The following CD8A variants were observed in gnomAD, a reference collection of about 807,000 sequenced individuals.
The protein encoded by CD8A is CD8 subunit alpha.
A neutral mutation model predicts 24.2 loss-of-function variants in CD8A; 25 were observed. The ratio of observed to expected loss-of-function variants is 1.03; its 90% confidence interval spans 0.75 to 1.44. CD8A has a LOEUF of 1.44. CD8A is among the 40% of genes most tolerant of loss of function. The pLI is 0.00. For missense variants in CD8A, 360 were observed against 319.7 expected (o/e 1.13, Z -0.96); for synonymous variants, 165 against 149.9 (o/e 1.10, Z -0.74).
intron 2 of CD8A, 147 bp from the exon 3 acceptor site, chr2:86,789,897 G>T: frequency 1.8e-6 from 1 of 564,696 alleles, no homozygotes; most frequent in Non-Finnish European, 3.0e-6. Flanking sequence ...TGGGGACCCC[G>T]GGATGCGCGC....
intron 2 of CD8A, among the ~76,000 whole-genome samples, chr2:86,805,229 TG>T (rs1439097527): frequency 3.3e-5 from 5 of 152,324 alleles, no homozygotes; most frequent in African/African-American, 1.2e-4. Flanking sequence ...GATGTACTTT[TG>T]GGCTGGGTTT....
chr2:86,805,189 C>T (rs1195765653), intron 2 of CD8A, among the ~76,000 whole-genome samples: 5 of 152,120 alleles, frequency 3.3e-5, no homozygotes, highest in Admixed American at 2.0e-4. Context: ...TTAATGACAA[C>T]TGCCACTTTC....
At chr2:86,805,972 T>C (rs1365584324) in intron 2 of CD8A, among the ~76,000 whole-genome samples, 1 of 152,126 alleles carries the variant, frequency 6.6e-6, no homozygotes, top group Non-Finnish European at 1.5e-5. Flanking sequence ...GTTGTGACAA[T>C]TGTCACAACA....
rs763318708 is a variant in CD8A at position 86,785,703 on chromosome 2, G to T, written c.*217C>A. On this transcript the variant is annotated 3_prime_UTR_variant, in exon 6 of 6. Transcript: ENST00000283635. ...GCCCTACCGCGATGTGCGCACAACAGTATTGTGACCCTTGTGGTGTACTGT... is the reference window on the plus strand; with the variant it reads ...GCCCTACCGCGATGTGCGCACAACATTATTGTGACCCTTGTGGTGTACTGT... 1.8e-5 allele frequency: 13 copies of T among 709,750 alleles called. No individual in the cohort carries two copies. Among genetic ancestry groups the T allele is most frequent in the Non-Finnish European group, 3.3e-5 (13 of 388,504 alleles). 44.0% of individuals were successfully genotyped at this position (709,750 alleles called of 1,614,324 possible).
intron 2 of CD8A, among the ~76,000 whole-genome samples, chr2:86,804,794 CTTTTTTTT>C (rs70958908): frequency 4.3e-5 from 4 of 94,032 alleles, no homozygotes; most frequent in Non-Finnish European, 6.4e-5. Flanking sequence ...CTTGCTAAAT[CTTTTTTTT>C]TTTTTTTTTT....
chr2:86,790,539 G>T lies in CD8A; in HGVS notation c.192C>A (p.Ala64=), dbSNP rs2229239. 115,029 of 1,613,474 alleles carry T rather than the reference G, an allele frequency of 0.071. 4,531 individuals are homozygous for T. The highest frequency in any genetic ancestry group is 0.083 in the African/African-American group (6,234 of 75,024). The change falls in exon 2 of 6, where the codon GCC becomes GCA. Residue 64 remains alanine (A), a synonymous_variant. Coordinates refer to ENST00000283635, the MANE Select transcript of CD8A (RefSeq NM_001768.7). ...CSWLFQPRGA[A]ASPTFLLYLS... Reference sequence around the variant, plus strand: ...GGTATAGGAGGAAGGTGGGACTGGCGGCGGCGCCGCGCGGCTGGAAGAGCC... The same window carrying T: ...GGTATAGGAGGAAGGTGGGACTGGCTGCGGCGCCGCGCGGCTGGAAGAGCC...
At chr2:86,803,310 G>T (rs980205949) in intron 2 of CD8A, among the ~76,000 whole-genome samples, 2 of 152,138 alleles carry the variant, frequency 1.3e-5, no homozygotes, top group African/African-American at 2.4e-5. Context: ...CAAGGTATCT[G>T]TACTCCTGTG....
At chr2:86,804,125 T>C (rs1234621741) in intron 2 of CD8A, among the ~76,000 whole-genome samples, 3 of 152,254 alleles carry the variant, frequency 2.0e-5, no homozygotes, top group African/African-American at 7.2e-5. Context: ...TTCACTATAG[T>C]ATCCATTCTA....
Position 86,789,315 on chromosome 2 carries a change from G to A in CD8A, c.625+8C>T, listed in dbSNP as rs753026703. 5.1e-6 allele frequency: 8 copies of A among 1,561,492 alleles called. No homozygotes were observed. The highest frequency in any genetic ancestry group is 7.1e-6 in the Non-Finnish European group (8 of 1,131,634). On this transcript the variant is annotated splice_region_variant and intron_variant, in intron 4 of 5. Transcript: ENST00000283635. ...GACTCCTTCCCGCCGCGATTCCTCG[G>A]GACTTACTGTGGTTGCAGTAAAGGG... is the stretch of plus-strand genomic sequence containing the variant.
Position 86,785,692 on chromosome 2 carries a change from T to C in CD8A, c.*228A>G. The stretch of plus-strand genomic sequence containing the variant: ...CCCCTTTCCACGCCCTACCGCGATG[T>C]GCGCACAACAGTATTGTGACCCTTG... On this transcript the variant is annotated 3_prime_UTR_variant, in exon 6 of 6. Transcript: ENST00000283635. The C allele has an allele frequency of 1.4e-6, 1 of 698,704 alleles. No homozygotes were observed. The highest frequency in any genetic ancestry group is 2.6e-6 in the Non-Finnish European group (1 of 382,524). 43.3% of individuals were successfully genotyped at this position (698,704 alleles called of 1,614,324 possible). A position where few individuals can be genotyped will look rare whatever the true frequency, so the allele number is the denominator to read the frequency against.
chr2:86,802,922 A>C (rs2104461945), intron 2 of CD8A, among the ~76,000 whole-genome samples: 1 of 152,268 alleles, frequency 6.6e-6, no homozygotes, highest in African/African-American at 2.4e-5. Flanking sequence ...AGAATTCATA[A>C]GTTTAAGGAG....
chr2:86,797,054 T>C (rs1441935103), intron 3 of CD8A, among the ~76,000 whole-genome samples: 7 of 152,226 alleles, frequency 4.6e-5, no homozygotes, highest in African/African-American at 1.7e-4. Flanking sequence ...TCTCAGTGAT[T>C]GGCTTTCTGT....
In CD8A at chr2:86,805,094, C is replaced by T. The variant is rs189963531; in HGVS notation, c.-418+2353G>A. ...TTGGGATTACAGGCATGAGCCACCA[C>T]ACCTGGCCTAAATTTTTTTTTTTAA... is the stretch of plus-strand genomic sequence containing the variant. On this transcript the variant is annotated intron_variant, in intron 2 of 8. Transcript: ENST00000409511. 1.9e-3 allele frequency among the ~76,000 whole-genome samples: 286 copies of T among 152,114 alleles called. 1 individual carries two copies. Among genetic ancestry groups the T allele is most frequent in the Admixed American group, 0.015 (236 of 15,284 alleles).
At position 86,790,360 on chromosome 2, in the gene CD8A, T is replaced by A. The variant is rs1221153844; in HGVS notation, c.371A>T (p.Tyr124Phe). 2 of 1,613,642 alleles carry A rather than the reference T, an allele frequency of 1.2e-6. No individual in the cohort carries two copies. Among genetic ancestry groups the A allele is most frequent in the Non-Finnish European group, 1.7e-6 (2 of 1,179,944 alleles). Residue 124 changes from tyrosine to phenylalanine, a missense_variant, in exon 2 of 6, where the codon TAC (tyrosine) becomes TTC (phenylalanine). Transcript: ENST00000283635. Reference sequence around the variant, plus strand: ...GAAGACCGGCACGAAGTGGCTGAAGTACATGATGGAGTTGCTCAGGGCCGA... The same window carrying A: ...GAAGACCGGCACGAAGTGGCTGAAGAACATGATGGAGTTGCTCAGGGCCGA... ...FCSALSNSIM[Y>F]FSHFVPVFLP...
At chr2:86,799,203 C>A (rs1255082593) in intron 3 of CD8A, among the ~76,000 whole-genome samples, 1 of 152,146 alleles carries the variant, frequency 6.6e-6, no homozygotes, top group African/African-American at 2.4e-5. Context: ...AATGGACCTG[C>A]CCAAGAACAA....
chr2:86,790,137 C>G (rs917065436), intron 2 of CD8A, among the ~76,000 whole-genome samples, 191 bp downstream of exon 2: 2 of 152,210 alleles, frequency 1.3e-5, no homozygotes, highest in Non-Finnish European at 2.9e-5. Context: ...ATCGGCCGGA[C>G]GTAAAAAGCC....
chr2:86,789,261 C>G, intron 4 of CD8A, 62 bp downstream of exon 4: 7 of 1,097,120 alleles, frequency 6.4e-6, no homozygotes, highest in Non-Finnish European at 9.9e-6. Flanking sequence ...CCGCCTGGAG[C>G]TAGCAGAGCC....
rs1210402638 is a variant in CD8A at position 86,788,573 on chromosome 2, A to G, written c.626-13T>C. 6.2e-7 allele frequency: 1 copy of G among 1,612,026 alleles called. No individual in the cohort carries two copies. Among genetic ancestry groups the G allele is most frequent in the African/African-American group, 1.3e-5 (1 of 74,846 alleles). On this transcript the variant is annotated splice_polypyrimidine_tract_variant and intron_variant, in intron 4 of 5. Transcript: ENST00000283635. Reference sequence around the variant, plus strand: ...CGTCTTCGGTTCCCTGGATAAGGAAAAAGAAGGGAAAAAGTGAGTGCCCCT... The same window carrying G: ...CGTCTTCGGTTCCCTGGATAAGGAAGAAGAAGGGAAAAAGTGAGTGCCCCT...
At position 86,785,870 on chromosome 2, in the gene CD8A, T is replaced by G. The variant is rs553373207; in HGVS notation, c.*50A>C. On this transcript the variant is annotated 3_prime_UTR_variant, in exon 6 of 6. Coordinates refer to ENST00000283635, the MANE Select transcript of CD8A (RefSeq NM_001768.7). The stretch of plus-strand genomic sequence containing the variant: ...AAATGAAAGGGAAGGACTTGCTCCC[T>G]CAAAAGGAAGGATCTCAGTTTGAAG... The G allele has an allele frequency of 3.6e-5, 49 of 1,372,694 alleles. No homozygotes were observed. The South Asian group carries it at 5.3e-4, about 15-fold the overall frequency. 85.0% of individuals were successfully genotyped at this position (1,372,694 alleles called of 1,614,324 possible). A position where few individuals can be genotyped will look rare whatever the true frequency, so the allele number is the denominator to read the frequency against.
Sources: gnomAD v4.1 joint callset for allele counts (sites outside exome capture counted in the v4.1 genomes callset) on GRCh38, gnomAD v4.1.1 for gene constraint, MANE v1.5 for transcripts, NCBI Gene and HGNC (gene_info 2026-07-23, HGNC 2026-07-21) for gene names.